The following KIF26B variants were observed in gnomAD, a reference collection of about 807,000 sequenced individuals.
The protein encoded by KIF26B is kinesin family member 26B, also known as kinesin-like protein KIF26B.
In KIF26B, 63 loss-of-function variants were observed where a neutral mutation model predicts 151.2. The ratio of observed to expected loss-of-function variants is 0.42; its 90% CI spans 0.34 to 0.51. KIF26B has a LOEUF of 0.51. Among genes scored for constraint, KIF26B ranks in the 20% least tolerant of loss-of-function variants. The pLI is 0.07. For synonymous variants in KIF26B, 1,357 were observed against 1,262.1 expected (o/e 1.08, Z -1.59); for missense variants, 2,813 against 2,913.6 (o/e 0.97, Z 0.79).
rs373685923 is a variant in KIF26B, at chr1:245,333,981, G to A, written c.466-32853G>A. On this transcript the variant is annotated intron_variant, in intron 2 of 14. Coordinates refer to ENST00000407071, the MANE Select transcript of KIF26B (RefSeq NM_018012.4). ...ACCACTGCACTCCAGCCTGGGCGACGGAGTGAGACTCCGTGTCAAAAAAAA... is the reference window on the plus strand; with the variant it reads ...ACCACTGCACTCCAGCCTGGGCGACAGAGTGAGACTCCGTGTCAAAAAAAA... 5.3e-5 allele frequency among the ~76,000 whole-genome samples: 8 copies of A among 151,986 alleles called. No individual in the cohort carries two copies. In the East Asian group the frequency reaches 9.7e-4, roughly 18 times the overall value.
rs895841571 is a variant in KIF26B at position 245,241,996 on chromosome 1, A to G, written c.465+85313A>G. 4.6e-5 allele frequency among the ~76,000 whole-genome samples: 7 copies of G among 152,094 alleles called. No individual in the cohort carries two copies. The highest frequency in any genetic ancestry group is 1.7e-4 in the African/African-American group (7 of 41,422). ...GATCCTCTGTGCTTTTCATCACACT[A>G]TTTCCTCTGCCTGGAATGTCTGTCT... On this transcript the variant is annotated intron_variant, in intron 2 of 14. Coordinates refer to ENST00000407071, the MANE Select transcript of KIF26B (RefSeq NM_018012.4). This position sits in a 1 kb window ranked among gnomAD's most constrained non-coding sequence, Gnocchi z 5.0.
Position 245,687,211 on chromosome 1 carries a change from C to G in KIF26B, c.4228C>G (p.Pro1410Ala), listed in dbSNP as rs113972282. 11,248 of 1,612,862 alleles carry G rather than the reference C, an allele frequency of 7.0e-3. 46 individuals are homozygous for G. Among genetic ancestry groups the G allele is most frequent in the Non-Finnish European group, 8.4e-3 (9,878 of 1,179,646 alleles). ...SPRNIQEPEA[P>A]TATPKAGPTL... is the part of the protein sequence containing the mutation. ...CCGGAACATCCAAGAGCCGGAGGCC[C>G]CCACCGCCACCCCCAAAGCAGGCCC... Residue 1410 changes from proline to alanine, a missense_variant, in exon 12 of 15, where the codon CCC (proline) becomes GCC (alanine). Physicochemically the swap from Pro to Ala is conservative, Grantham distance 27. Coordinates refer to ENST00000407071, the MANE Select transcript of KIF26B (RefSeq NM_018012.4). The surrounding 1 kb of genome is among the most constrained non-coding windows in gnomAD (Gnocchi z 4.9).
At chr1:245,700,731 GA>G (rs1248135752) in intron 14 of KIF26B, among the ~76,000 whole-genome samples, 1 of 152,192 alleles carries the variant, frequency 6.6e-6, no homozygotes, top group Non-Finnish European at 1.5e-5. Flanking sequence ...TTTGAGCAAA[GA>G]AAGACATGAA....
At chr1:245,503,066 G>C (rs1378813998) in intron 4 of KIF26B, among the ~76,000 whole-genome samples, 1 of 151,972 alleles carries the variant, frequency 6.6e-6, no homozygotes, top group African/African-American at 2.4e-5. Flanking sequence ...CTCCATGTTG[G>C]TCAGGCTGGT....
intron 2 of KIF26B, among the ~76,000 whole-genome samples, chr1:245,231,647 A>C (rs963515581): frequency 6.6e-6 from 1 of 152,208 alleles, no homozygotes; most frequent in African/African-American, 2.4e-5. Context: ...ATGTATCCTC[A>C]TAAACTTTGT....
intron 4 of KIF26B, among the ~76,000 whole-genome samples, chr1:245,534,040 G>A (rs1661436361): frequency 6.6e-6 from 1 of 152,164 alleles, no homozygotes; most frequent in South Asian, 2.1e-4. Context: ...TGTGAGATGA[G>A]TGAGGCTATG....
At chr1:245,676,721 C>G (rs116396419) in intron 10 of KIF26B, among the ~76,000 whole-genome samples, 2,902 of 152,310 alleles carry the variant, frequency 0.019, 75 homozygotes, top group Admixed American at 0.077. Context: ...CTTGTTGGCT[C>G]CAGCCCATAC....
At chr1:245,470,583 A>C (rs956519918) in intron 4 of KIF26B, among the ~76,000 whole-genome samples, 2 of 152,016 alleles carry the variant, frequency 1.3e-5, no homozygotes, top group Non-Finnish European at 2.9e-5. Flanking sequence ...GGCACCCGCC[A>C]CCACGCCCGG....
chr1:245,307,722 TAC>T (rs1474635646), intron 2 of KIF26B, among the ~76,000 whole-genome samples: 1 of 150,452 alleles, frequency 6.6e-6, no homozygotes, highest in Non-Finnish European at 1.5e-5. Flanking sequence ...CAATTATCTC[TAC>T]CAGGAATCTC....
chr1:245,392,484 G>T (rs1294285808), intron 3 of KIF26B, among the ~76,000 whole-genome samples: 1 of 152,134 alleles, frequency 6.6e-6, no homozygotes, highest in African/African-American at 2.4e-5. Flanking sequence ...CTTGATGGTT[G>T]GTTTTTGGCT....
chr1:245,613,116 G>A (rs1258319458), intron 9 of KIF26B, among the ~76,000 whole-genome samples: 2 of 152,144 alleles, frequency 1.3e-5, no homozygotes, highest in South Asian at 2.1e-4. Context: ...TCCATGTCCC[G>A]CTCTGCCGGG....
intron 4 of KIF26B, among the ~76,000 whole-genome samples, chr1:245,490,030 G>C (rs981963571): frequency 6.6e-6 from 1 of 152,112 alleles, no homozygotes; most frequent in African/African-American, 2.4e-5. Flanking sequence ...TTCTTTCCAC[G>C]TCCAAAGCCC....
intron 4 of KIF26B, among the ~76,000 whole-genome samples, chr1:245,424,202 C>A (rs1317126669): frequency 6.6e-6 from 1 of 152,094 alleles, no homozygotes; most frequent in Admixed American, 6.6e-5. Context: ...GTTTCCCAGG[C>A]TGGAGTGCAG....
intron 2 of KIF26B, among the ~76,000 whole-genome samples, chr1:245,363,569 A>G (rs1027481846): frequency 2.0e-5 from 3 of 152,180 alleles, no homozygotes; most frequent in African/African-American, 4.8e-5. Context: ...GCACTTACAG[A>G]AAGCTATGGC....
chr1:245,682,441 C>T (rs1473467122), intron 10 of KIF26B, among the ~76,000 whole-genome samples: 1 of 150,194 alleles, frequency 6.7e-6, no homozygotes, highest in East Asian at 1.9e-4. Flanking sequence ...AGAACTCACC[C>T]TCCACTACTC....
At chr1:245,430,704 A>G (rs1232259959) in intron 4 of KIF26B, among the ~76,000 whole-genome samples, 2 of 152,114 alleles carry the variant, frequency 1.3e-5, no homozygotes, top group Non-Finnish European at 2.9e-5. Flanking sequence ...TACATTTTTG[A>G]GGGCTTCTTA....
rs953347751 is a variant in KIF26B at position 245,564,251 on chromosome 1, C to T, written c.1350+23301C>T. ...AGAATGAGCTTCCCCCCATTTTCTGCGATACACACTGTCACTTTCCCTGGG... is the reference window on the plus strand; with the variant it reads ...AGAATGAGCTTCCCCCCATTTTCTGTGATACACACTGTCACTTTCCCTGGG... On this transcript the variant is annotated intron_variant, in intron 5 of 14. Transcript: ENST00000407071. This position sits in a 1 kb window ranked among gnomAD's most constrained non-coding sequence, Gnocchi z 4.6. 3.3e-5 allele frequency among the ~76,000 whole-genome samples: 5 copies of T among 152,114 alleles called. No homozygotes were observed. Among genetic ancestry groups the T allele is most frequent in the Non-Finnish European group, 5.9e-5 (4 of 68,038 alleles).
At position 245,688,307 on chromosome 1, in the gene KIF26B, C is replaced by T. The variant is rs150834033; in HGVS notation, c.5324C>T (p.Pro1775Leu). ...QAVGQGSSSPPGGKHTPWSTQ... is the reference protein window; with the variant it reads ...QAVGQGSSSPLGGKHTPWSTQ... ...GTGGGCCAGGGCTCCAGCTCGCCCCCCGGTGGGAAGCACACGCCCTGGTCC... is the reference window on the plus strand; with the variant it reads ...GTGGGCCAGGGCTCCAGCTCGCCCCTCGGTGGGAAGCACACGCCCTGGTCC... The change falls in exon 12 of 15, where the codon CCC becomes CTC. Residue 1775 changes from proline (P) to leucine (L), a missense_variant. Coordinates refer to ENST00000407071, the MANE Select transcript of KIF26B (RefSeq NM_018012.4). 4.4e-6 allele frequency: 7 copies of T among 1,595,636 alleles called. No homozygotes were observed. The highest frequency in any genetic ancestry group is 4.0e-5 in the African/African-American group (3 of 74,820).
At position 245,646,190 on chromosome 1, in the gene KIF26B, GAGA is replaced by G; in HGVS notation, c.2171_2173del (p.Glu724del). Reference sequence around the variant, plus strand: ...TGTGTGAAAGCTCTTAGCAAAAATCGAGAAGGAGGCTCAGGGCTGTGTCTCTCG... The same window carrying G: ...TGTGTGAAAGCTCTTAGCAAAAATCGAGGAGGCTCAGGGCTGTGTCTCTCG... On this transcript the variant is annotated inframe_deletion, in exon 10 of 15. Coordinates refer to ENST00000407071, the MANE Select transcript of KIF26B (RefSeq NM_018012.4). 3 of 1,613,946 alleles carry G rather than the reference GAGA, an allele frequency of 1.9e-6. No homozygotes were observed. Among genetic ancestry groups the G allele is most frequent in the Non-Finnish European group, 2.5e-6 (3 of 1,179,878 alleles).
Sources: allele counts gnomAD v4.1 joint callset (sites outside exome capture counted in the v4.1 genomes callset), GRCh38; gene constraint gnomAD v4.1.1; non-coding constraint Gnocchi (gnomAD v3.1); transcripts MANE v1.5; gene names NCBI Gene and HGNC (gene_info 2026-07-23, HGNC 2026-07-21).